ITGB4: variants seen among roughly 807,000 people sequenced by gnomAD.
ITGB4 encodes integrin beta-4.
In ITGB4, 159 loss-of-function variants were observed where a neutral mutation model predicts 207.6. The observed-to-expected ratio is 0.77, with a 90% confidence interval of 0.67 to 0.87. The LOEUF (loss-of-function observed/expected upper bound fraction) is 0.87. Among genes scored for constraint, ITGB4 ranks in the 40% least tolerant of loss-of-function variants. The probability of loss-of-function intolerance (pLI) is 0.00; values close to 1 mark genes in which losing one functional copy is unlikely to be tolerated. For missense variants in ITGB4, 2,278 were observed against 2,546.8 expected (o/e 0.89, Z 2.27); for synonymous variants, 1,020 against 1,062.7 (o/e 0.96, Z 0.78).
chr17:75,752,172 A>G lies in ITGB4; in HGVS notation c.3794-2A>G. ...CCCTCTGAAGCACTCTCTCTGCCCC[A>G]GGACCTATTGGGCCCATGAAGAAAG... On this transcript the variant is annotated splice_acceptor_variant, in intron 30 of 39. Transcript: ENST00000200181. LOFTEE classifies it high-confidence loss of function. 1 of 1,613,942 alleles carries G rather than the reference A, an allele frequency of 6.2e-7. No homozygotes were observed. Among genetic ancestry groups the G allele is most frequent in the Non-Finnish European group, 8.5e-7 (1 of 1,179,986 alleles).
In ITGB4 at chr17:75,727,620, C is replaced by T. The variant is rs751937223; in HGVS notation, c.265-31C>T. The T allele has an allele frequency of 2.5e-6, 4 of 1,586,172 alleles. No individual in the cohort carries two copies. In the African/African-American group the frequency reaches 4.0e-5, roughly 16 times the overall value. On this transcript the variant is annotated intron_variant, in intron 4 of 39. Coordinates refer to ENST00000200181, the MANE Select transcript of ITGB4 (RefSeq NM_000213.5). The surrounding 1 kb of genome is among the most constrained non-coding windows in gnomAD (Gnocchi z 6.0). ...CCCATCGGGCCTCCGGAGTGACCCTCTAGCCAGCTGTCCCCTTCCACTGGC... is the reference window on the plus strand; with the variant it reads ...CCCATCGGGCCTCCGGAGTGACCCTTTAGCCAGCTGTCCCCTTCCACTGGC...
chr17:75,732,325 G>GTACAAGGTGCACC lies in ITGB4; in HGVS notation c.1454+86_1454+87insTACAAGGTGCACC. 3.0e-6 allele frequency: 4 copies of GTACAAGGTGCACC among 1,323,122 alleles called. No individual in the cohort carries two copies. The highest frequency in any genetic ancestry group is 1.2e-5 in the South Asian group (1 of 84,888). 82.0% of individuals were successfully genotyped at this position (1,323,122 alleles called of 1,614,324 possible). A position where few individuals can be genotyped will look rare whatever the true frequency, so the allele number is the denominator to read the frequency against. ...CTCCTGCAGGGGCCTGGCCCTGGGT[G>GTACAAGGTGCACC]CACCTTGTACACCTGGCTGGGGGTG... On this transcript the variant is annotated intron_variant, in intron 12 of 39. Transcript: ENST00000200181. This position sits in a 1 kb window ranked among gnomAD's most constrained non-coding sequence, Gnocchi z 5.3.
chr17:75,724,345 G>A (rs2060674657), intron 1 of ITGB4, among the ~76,000 whole-genome samples: 1 of 152,248 alleles, frequency 6.6e-6, no homozygotes, highest in African/African-American at 2.4e-5. Flanking sequence ...GGCCAAGCCT[G>A]ACCCAGGCTC....
In ITGB4 at chr17:75,722,888, G is replaced by C. The variant is rs1464672140; in HGVS notation, c.-11+1276G>C. Among the ~76,000 whole-genome samples the C allele has an allele frequency of 6.6e-6, 1 of 152,032 alleles. No homozygotes were observed. The highest frequency in any genetic ancestry group is 1.9e-4 in the East Asian group (1 of 5,190). ...CCTGCTGGTACATAAAGTCGGGGCA[G>C]CCTGGTGGGGTCCGGGCCGCCTGGA... is the stretch of plus-strand genomic sequence containing the variant. On this transcript the variant is annotated intron_variant, in intron 1 of 39. Coordinates refer to ENST00000200181, the MANE Select transcript of ITGB4 (RefSeq NM_000213.5). The surrounding 1 kb of genome is among the most constrained non-coding windows in gnomAD (Gnocchi z 6.2).
chr17:75,732,190 A>G lies in ITGB4; in HGVS notation c.1405A>G (p.Ser469Gly). The change falls in exon 12 of 40, where the codon AGC becomes GGC. Residue 469 changes from serine (S) to glycine (G), a missense_variant. Coordinates refer to ENST00000200181, the MANE Select transcript of ITGB4 (RefSeq NM_000213.5). The surrounding 1 kb of genome is among the most constrained non-coding windows in gnomAD (Gnocchi z 5.3). ...LQKEVRSARC[S>G]FNGDFVCGQC... is the part of the protein sequence containing the mutation. ...AAAAGAGGTGCGGTCAGCTCGCTGCAGCTTCAACGGAGACTTCGTGTGCGG... is the reference window on the plus strand; with the variant it reads ...AAAAGAGGTGCGGTCAGCTCGCTGCGGCTTCAACGGAGACTTCGTGTGCGG... The G allele has an allele frequency of 6.2e-7, 1 of 1,614,132 alleles. No individual in the cohort carries two copies. Among genetic ancestry groups the G allele is most frequent in the South Asian group, 1.1e-5 (1 of 91,092 alleles).
intron 26 of ITGB4, among the ~76,000 whole-genome samples, chr17:75,744,533 A>G (rs2061192854): frequency 6.6e-6 from 1 of 152,128 alleles, no homozygotes; most frequent in Admixed American, 6.5e-5. Context: ...AACTCCCCCT[A>G]TATGCCCCAG....
At chr17:75,726,607 C>G (rs1278151247) in intron 2 of ITGB4, among the ~76,000 whole-genome samples, 1 of 150,774 alleles carries the variant, frequency 6.6e-6, no homozygotes, top group African/African-American at 2.4e-5. Flanking sequence ...TGGTGCCCAC[C>G]CATTATCCCA....
Position 75,750,002 on chromosome 17 carries a change from G to C in ITGB4, c.3317-109G>C. The C allele has an allele frequency of 7.3e-7, 1 of 1,374,064 alleles. No homozygotes were observed. The allele number at this position is 1,374,064 out of a possible 1,614,324, so 85.1% of individuals were successfully genotyped here. ...TCCAGAGACGCGGGTGGGCAGGTCT[G>C]AGTTGAATGCGCTGGGTAGAGCGCC... On this transcript the variant is annotated intron_variant, in intron 27 of 39. Coordinates refer to ENST00000200181, the MANE Select transcript of ITGB4 (RefSeq NM_000213.5). This position sits in a 1 kb window ranked among gnomAD's most constrained non-coding sequence, Gnocchi z 5.5.
chr17:75,752,531 A>T lies in ITGB4; in HGVS notation c.4062A>T (p.Leu1354=). ...DSFLMYSDDV[L]RSPSGSQRPS... The stretch of plus-strand genomic sequence containing the variant: ...TCCTTATGTACAGCGATGACGTTCT[A>T]CGCTCTCCATCGGGCAGCCAGAGGC... Residue 1354 remains leucine, a synonymous_variant, in exon 32 of 40, where the codon CTA becomes CTT. Coordinates refer to ENST00000200181, the MANE Select transcript of ITGB4 (RefSeq NM_000213.5). 1.9e-6 allele frequency: 3 copies of T among 1,613,660 alleles called. No individual in the cohort carries two copies. The highest frequency in any genetic ancestry group is 2.5e-6 in the Non-Finnish European group (3 of 1,180,016).
At position 75,752,305 on chromosome 17, in the gene ITGB4, G is replaced by C. The variant is rs757408313; in HGVS notation, c.3925G>C (p.Glu1309Gln). 2.5e-5 allele frequency: 40 copies of C among 1,613,098 alleles called. 1 individual carries two copies. The South Asian group carries it at 4.3e-4, about 17-fold the overall frequency. The change falls in exon 31 of 40, where the codon GAG becomes CAG. Residue 1309 changes from glutamate (E) to glutamine (Q), a missense_variant. Coordinates refer to ENST00000200181, the MANE Select transcript of ITGB4 (RefSeq NM_000213.5). ...KARNGAGWGP[E>Q]REAIINLATQ... ...GCGCAACGGGGCCGGCTGGGGGCCT[G>C]AGCGGGAGGCCATCATCAACCTGGC... is the stretch of plus-strand genomic sequence containing the variant.
intron 18 of ITGB4, among the ~76,000 whole-genome samples, chr17:75,738,572 A>G (rs1029171046): frequency 6.6e-6 from 1 of 152,238 alleles, no homozygotes; most frequent in African/African-American, 2.4e-5. Context: ...TCCATCAGCC[A>G]TCAGTGGCCA....
intron 18 of ITGB4, among the ~76,000 whole-genome samples, chr17:75,738,224 C>A (rs546910438): frequency 1.4e-4 from 20 of 147,766 alleles, no homozygotes; most frequent in African/African-American, 4.3e-4. Context: ...CCCACACCAA[C>A]CCCATCCAGC....
At chr17:75,752,393 C>A (rs759387066) in intron 31 of ITGB4, 37 bp downstream of exon 31, 2 of 1,612,494 alleles carry the variant, frequency 1.2e-6, no homozygotes, top group Admixed American at 1.7e-5. Context: ...GCAGACCGGG[C>A]AGGGGGGCAG....
chr17:75,748,488 A>G (rs1271524324), intron 26 of ITGB4, among the ~76,000 whole-genome samples: 3 of 151,856 alleles, frequency 2.0e-5, no homozygotes, highest in Admixed American at 6.6e-5. Context: ...TGGCCAACAT[A>G]GTGAAACCCC....
intron 1 of ITGB4, among the ~76,000 whole-genome samples, chr17:75,721,831 C>T (rs367825304): frequency 6.6e-6 from 1 of 152,206 alleles, no homozygotes; most frequent in East Asian, 1.9e-4. Flanking sequence ...GACCTCCAGG[C>T]CAGAGGAGCG....
At position 75,755,858 on chromosome 17, in the gene ITGB4, A is replaced by T. The variant is rs769308001; in HGVS notation, c.4708+8A>T. 3.1e-6 allele frequency: 5 copies of T among 1,601,062 alleles called. No homozygotes were observed. Among genetic ancestry groups the T allele is most frequent in the Non-Finnish European group, 4.2e-6 (5 of 1,179,482 alleles). ...ACCAGCTGCTGAACGGCGGTGAGGC[A>T]TGGTGGCTGCCAGGCTGCGGGGTGC... is the stretch of plus-strand genomic sequence containing the variant. On this transcript the variant is annotated splice_region_variant and intron_variant, in intron 35 of 39. Coordinates refer to ENST00000200181, the MANE Select transcript of ITGB4 (RefSeq NM_000213.5).
Position 75,733,071 on chromosome 17 carries a change from G to C in ITGB4, c.1455-419G>C, listed in dbSNP as rs529483426. Among the ~76,000 whole-genome samples, 43 of 141,472 alleles carry C rather than the reference G, an allele frequency of 3.0e-4. 1 individual carries two copies. In the South Asian group the frequency reaches 7.1e-3, roughly 23 times the overall value. The allele number at this position is 141,472 out of a possible 152,430, so 92.8% of individuals were successfully genotyped here. A position where few individuals can be genotyped will look rare whatever the true frequency, so the allele number is the denominator to read the frequency against. ...CTGCACTCCAGCCTGGGCAAGAAGA[G>C]CGAAACTCTGTCTTGAAAAAAAATA... On this transcript the variant is annotated intron_variant, in intron 12 of 39. Coordinates refer to ENST00000200181, the MANE Select transcript of ITGB4 (RefSeq NM_000213.5).
At chr17:75,736,749 A>G (rs2060987260) in intron 16 of ITGB4, 55 bp downstream of exon 16, 2 of 1,558,942 alleles carry the variant, frequency 1.3e-6, no homozygotes, top group Non-Finnish European at 1.7e-6. Context: ...GCGGGCATCC[A>G]ACGGGGCAAG....
At chr17:75,754,945 C>CGT in intron 34 of ITGB4, 130 bp downstream of exon 34, 1 of 1,450,140 alleles carries the variant, frequency 6.9e-7, no homozygotes. Flanking sequence ...CACACATGCA[C>CGT]GCACACACGT....
Sources: allele counts gnomAD v4.1 joint callset (sites outside exome capture counted in the v4.1 genomes callset), GRCh38; gene constraint gnomAD v4.1.1; non-coding constraint Gnocchi (gnomAD v3.1); transcripts MANE v1.5; gene names NCBI Gene and HGNC (gene_info 2026-07-23, HGNC 2026-07-21).